The following ABLIM1 variants were observed in gnomAD, a reference collection of about 807,000 sequenced individuals.
ABLIM1 encodes actin-binding LIM protein 1.
In ABLIM1, 40 loss-of-function variants were observed where a neutral mutation model predicts 107.0. The ratio of observed to expected loss-of-function variants is 0.37; its 90% CI spans 0.29 to 0.49. The LOEUF (loss-of-function observed/expected upper bound fraction) is 0.49. Ranked by LOEUF, ABLIM1 falls within the 20% of genes least tolerant of loss-of-function variation. The pLI, the probability that ABLIM1 is intolerant of heterozygous loss-of-function variation, is 0.97. For missense variants in ABLIM1, 857 were observed against 1,008.5 expected (o/e 0.85, Z 2.04); for synonymous variants, 357 against 357.3 (o/e 1.00, Z 0.01).
At chr10:114,639,630 A>G (rs1445704123) in intron 1 of ABLIM1, among the ~76,000 whole-genome samples, 2 of 152,234 alleles carry the variant, frequency 1.3e-5, no homozygotes, top group Non-Finnish European at 1.5e-5. Context: ...CGGCAGCTTC[A>G]TGGCATGTAA....
Position 114,726,786 on chromosome 10 carries a change from A to C in ABLIM1, c.-213+41275T>G, listed in dbSNP as rs539683973. Among the ~76,000 whole-genome samples, 12 of 152,126 alleles carry C rather than the reference A, an allele frequency of 7.9e-5. No individual in the cohort carries two copies. The South Asian group carries it at 2.5e-3, about 32-fold the overall frequency. On this transcript the variant is annotated intron_variant, in intron 1 of 15. Transcript: ENST00000651092. ...GTAGAGTGAGACTCCGTCTCAAAAAAACACACAAAAAAAGAACAGCACCCA... is the reference window on the plus strand; with the variant it reads ...GTAGAGTGAGACTCCGTCTCAAAAACACACACAAAAAAAGAACAGCACCCA...
At chr10:114,583,544 T>C (rs2073856861) in intron 2 of ABLIM1, among the ~76,000 whole-genome samples, 1 of 142,830 alleles carries the variant, frequency 7.0e-6, no homozygotes, top group Admixed American at 7.3e-5. Context: ...GTTAAGTCAC[T>C]GTGGAAAGCA....
intron 1 of ABLIM1, among the ~76,000 whole-genome samples, chr10:114,626,070 A>G (rs2483605): frequency 0.026 from 4,030 of 152,288 alleles, 175 homozygotes; most frequent in African/African-American, 0.091. Flanking sequence ...CCCGCATGAC[A>G]AGCAGGAAGC....
At chr10:114,644,755 C>T (rs1395527587) in intron 1 of ABLIM1, among the ~76,000 whole-genome samples, 2 of 152,188 alleles carry the variant, frequency 1.3e-5, no homozygotes, top group Non-Finnish European at 2.9e-5. Flanking sequence ...ATAAAAGTCC[C>T]AGTCAGTGAT....
chr10:114,493,199 A>C (rs1401341796), intron 6 of ABLIM1, among the ~76,000 whole-genome samples: 1 of 152,228 alleles, frequency 6.6e-6, no homozygotes, highest in Non-Finnish European at 1.5e-5. Context: ...AGGAGGAAGA[A>C]AGAAGACATT....
intron 1 of ABLIM1, among the ~76,000 whole-genome samples, chr10:114,724,512 C>T (rs1196644437): frequency 6.6e-6 from 1 of 152,174 alleles, no homozygotes; most frequent in East Asian, 1.9e-4. Context: ...TTGCACAAGG[C>T]CTGCCCTGAG....
chr10:114,442,709 T>G (rs114832666), intron 17 of ABLIM1, among the ~76,000 whole-genome samples: 2 of 152,216 alleles, frequency 1.3e-5, no homozygotes, highest in African/African-American at 4.8e-5. Context: ...TCAATTTCTA[T>G]ACCAGCCTCC....
At chr10:114,437,955 C>T (rs2059660492) in intron 21 of ABLIM1, 31 bp from the exon 22 acceptor site, 6 of 1,578,954 alleles carry the variant, frequency 3.8e-6, no homozygotes, top group Non-Finnish European at 5.2e-6. Flanking sequence ...TCTTCTAGAA[C>T]ACCACAGTCC....
At chr10:114,500,766 G>GGGAAGGGAAC (rs2060314928) in intron 6 of ABLIM1, among the ~76,000 whole-genome samples, 1 of 148,104 alleles carries the variant, frequency 6.8e-6, no homozygotes, top group Admixed American at 6.7e-5. Context: ...GGGAAGGGAA[G>GGGAAGGGAAC]GGAAGGGAAG....
chr10:114,733,031 T>A (rs2082107841), intron 1 of ABLIM1, among the ~76,000 whole-genome samples: 1 of 152,224 alleles, frequency 6.6e-6, no homozygotes, highest in African/African-American at 2.4e-5. Flanking sequence ...ACTGATTCCA[T>A]ATTATGAATC....
chr10:114,640,855 G>T (rs2078713016), intron 1 of ABLIM1, among the ~76,000 whole-genome samples: 1 of 152,110 alleles, frequency 6.6e-6, no homozygotes, highest in Non-Finnish European at 1.5e-5. Flanking sequence ...CTTTATATTT[G>T]AGTACCACTA....
chr10:114,794,673 C>T, the ABLIM1 span, among the ~76,000 whole-genome samples: 1 of 152,128 alleles, frequency 6.6e-6, no homozygotes, highest in African/African-American at 2.4e-5. Flanking sequence ...TAATCACTAA[C>T]CTTTTTAATA....
intron 1 of ABLIM1, among the ~76,000 whole-genome samples, chr10:114,735,417 C>G (rs1460530187): frequency 6.6e-6 from 1 of 152,222 alleles, no homozygotes; most frequent in African/African-American, 2.4e-5. Context: ...TGGGAGCCAA[C>G]TGGGAGCCAA....
intron 1 of ABLIM1, among the ~76,000 whole-genome samples, chr10:114,759,435 C>T (rs1301415610): frequency 6.6e-6 from 1 of 152,048 alleles, no homozygotes; most frequent in East Asian, 1.9e-4. Flanking sequence ...CATTTCCTTC[C>T]CATGATAATT....
At chr10:114,506,662 G>C (rs936024769) in intron 6 of ABLIM1, among the ~76,000 whole-genome samples, 9 of 152,238 alleles carry the variant, frequency 5.9e-5, no homozygotes, top group African/African-American at 2.2e-4. Flanking sequence ...GGCTTCTTTT[G>C]AGAAGTATCT....
chr10:114,588,487 CTTTTTTTT>C (rs34043960), intron 2 of ABLIM1, among the ~76,000 whole-genome samples: 11 of 76,556 alleles, frequency 1.4e-4, no homozygotes, highest in African/African-American at 6.0e-4. Context: ...TTCTTTCTTT[CTTTTTTTT>C]TTTTTTTTTT....
chr10:114,541,947 CA>C (rs1248152449), intron 6 of ABLIM1, among the ~76,000 whole-genome samples: 2 of 152,146 alleles, frequency 1.3e-5, no homozygotes, highest in African/African-American at 4.8e-5. Flanking sequence ...CACACACACA[CA>C]CAGAGCCCTT....
intron 6 of ABLIM1, among the ~76,000 whole-genome samples, chr10:114,493,245 G>A (rs996230233): frequency 2.0e-5 from 3 of 152,128 alleles, no homozygotes; most frequent in Non-Finnish European, 2.9e-5. Context: ...AACCAGGTTC[G>A]CTCAGCTAGG....
intron 2 of ABLIM1, among the ~76,000 whole-genome samples, chr10:114,599,723 G>T (rs1042233927): frequency 6.6e-6 from 1 of 151,838 alleles, no homozygotes; most frequent in African/African-American, 2.4e-5. Flanking sequence ...GGAGGCGGAG[G>T]TTGCAGTGAG....
Sources: allele counts gnomAD v4.1 joint callset (sites outside exome capture counted in the v4.1 genomes callset), GRCh38; gene constraint gnomAD v4.1.1; transcripts MANE v1.5; gene names NCBI Gene and HGNC (gene_info 2026-07-23, HGNC 2026-07-21).